SLC6A11: variants seen among roughly 807,000 people sequenced by gnomAD.
SLC6A11 encodes sodium- and chloride-dependent GABA transporter 3.
Under a neutral mutation model 74.8 loss-of-function variants are expected in SLC6A11, and 25 were observed. The observed-to-expected ratio is 0.33, with a 90% confidence interval of 0.24 to 0.47. The LOEUF (loss-of-function observed/expected upper bound fraction) is 0.47, where lower values mean the gene tolerates loss of function less well. Among genes scored for constraint, SLC6A11 ranks in the 20% least tolerant of loss-of-function variants. The probability of loss-of-function intolerance (pLI) is 1.00; values close to 1 mark genes in which losing one functional copy is unlikely to be tolerated. For missense variants in SLC6A11, 574 were observed against 837.0 expected (o/e 0.69, Z 3.88); for synonymous variants, 330 against 330.2 (o/e 1.00, Z 0.01).
intron 5 of SLC6A11, among the ~76,000 whole-genome samples, chr3:10,862,969 GGA>G (rs1219659638): frequency 6.6e-6 from 1 of 152,246 alleles, no homozygotes; most frequent in Non-Finnish European, 1.5e-5. Context: ...ACTCTCAGAT[GGA>G]GAGACTGAAA....
chr3:10,911,370 A>G (rs925355261), intron 6 of SLC6A11, among the ~76,000 whole-genome samples: 8 of 152,180 alleles, frequency 5.3e-5, no homozygotes, highest in African/African-American at 1.9e-4. Context: ...AGCCACTGTC[A>G]TTTCTGTTGT....
intron 6 of SLC6A11, among the ~76,000 whole-genome samples, chr3:10,892,054 T>C (rs965352482): frequency 6.6e-6 from 1 of 152,222 alleles, no homozygotes; most frequent in East Asian, 1.9e-4. Flanking sequence ...GCAGATGCAG[T>C]GTGTTCTGAT....
chr3:10,850,708 G>T (rs890516825), intron 5 of SLC6A11, among the ~76,000 whole-genome samples: 1 of 152,170 alleles, frequency 6.6e-6, no homozygotes, highest in African/African-American at 2.4e-5. Context: ...GAAGGGAAGC[G>T]GCGGGGGTCA....
At chr3:10,875,229 A>G in intron 6 of SLC6A11, 134 bp downstream of exon 6, 2 of 684,308 alleles carry the variant, frequency 2.9e-6, no homozygotes, top group Non-Finnish European at 4.3e-6. Context: ...TCCCAGAATA[A>G]TTTTAAATGC....
intron 6 of SLC6A11, among the ~76,000 whole-genome samples, chr3:10,889,786 C>G (rs1236910036): frequency 6.6e-6 from 1 of 152,136 alleles, no homozygotes; most frequent in Non-Finnish European, 1.5e-5. Flanking sequence ...GTCAGACAAA[C>G]CAGTGAGGGC....
chr3:10,935,828 T>C (rs951748857), intron 13 of SLC6A11, among the ~76,000 whole-genome samples: 1 of 152,214 alleles, frequency 6.6e-6, no homozygotes, highest in African/African-American at 2.4e-5. Flanking sequence ...ATGTTCCACA[T>C]TGTGCAGTCA....
intron 4 of SLC6A11, among the ~76,000 whole-genome samples, chr3:10,830,524 CA>C (rs1490924180): frequency 6.6e-6 from 1 of 152,112 alleles, no homozygotes; most frequent in African/African-American, 2.4e-5. Flanking sequence ...ACCAAATAAG[CA>C]GAAAATATTG....
intron 5 of SLC6A11, among the ~76,000 whole-genome samples, chr3:10,858,678 C>T (rs536788671): frequency 1.3e-5 from 2 of 152,340 alleles, no homozygotes; most frequent in African/African-American, 4.8e-5. Flanking sequence ...GTAACCTGCT[C>T]AAGGTCACAG....
At chr3:10,934,035 T>C (rs1478472105) in intron 11 of SLC6A11, 31 bp from the exon 12 acceptor site, 14 of 1,476,090 alleles carry the variant, frequency 9.5e-6, no homozygotes, top group Non-Finnish European at 7.6e-6. Context: ...CTCTGGGGTG[T>C]GTATGTTCCC....
chr3:10,886,450 G>T (rs920044795), intron 6 of SLC6A11, among the ~76,000 whole-genome samples: 1 of 152,164 alleles, frequency 6.6e-6, no homozygotes, highest in Admixed American at 6.5e-5. Context: ...CCTGTGGCTG[G>T]CTCCCTGTCA....
intron 6 of SLC6A11, among the ~76,000 whole-genome samples, chr3:10,891,195 A>T (rs757280885): frequency 5.3e-5 from 8 of 152,282 alleles, no homozygotes; most frequent in Middle Eastern, 3.4e-3. Flanking sequence ...TTCAGTTTTG[A>T]CTTCTCATTT....
intron 4 of SLC6A11, among the ~76,000 whole-genome samples, chr3:10,834,072 T>C (rs1367833997): frequency 1.3e-5 from 2 of 152,326 alleles, no homozygotes; most frequent in African/African-American, 2.4e-5. Flanking sequence ...ACCCAGGGGA[T>C]AGATGATGTG....
At chr3:10,862,024 T>A (rs1200930157) in intron 5 of SLC6A11, among the ~76,000 whole-genome samples, 1 of 151,934 alleles carries the variant, frequency 6.6e-6, no homozygotes, top group Non-Finnish European at 1.5e-5. Flanking sequence ...GGCCCCTGAG[T>A]ATGGGATCCC....
intron 4 of SLC6A11, among the ~76,000 whole-genome samples, chr3:10,831,318 CA>C (rs1193332218): frequency 1.6e-4 from 25 of 152,206 alleles, no homozygotes; most frequent in Non-Finnish European, 3.4e-4. Flanking sequence ...ACTAGTTACA[CA>C]GAACCTGAAC....
chr3:10,922,841 A>G (rs1191259438), intron 8 of SLC6A11, among the ~76,000 whole-genome samples: 2 of 152,200 alleles, frequency 1.3e-5, no homozygotes, highest in African/African-American at 4.8e-5. Flanking sequence ...TTTGAGAAAC[A>G]GCATCTTGAC....
intron 6 of SLC6A11, among the ~76,000 whole-genome samples, chr3:10,906,830 G>A (rs1575697592): frequency 6.6e-6 from 1 of 152,166 alleles, no homozygotes; most frequent in Non-Finnish European, 1.5e-5. Context: ...CTATCTGTAT[G>A]GCCATAGTTT....
intron 10 of SLC6A11, among the ~76,000 whole-genome samples, chr3:10,931,566 A>G (rs1695687368): frequency 1.3e-5 from 2 of 152,196 alleles, no homozygotes. Context: ...TTTCACCCTC[A>G]CTGTGTTTTT....
intron 5 of SLC6A11, among the ~76,000 whole-genome samples, chr3:10,855,046 T>C (rs1694621945): frequency 6.6e-6 from 1 of 151,616 alleles, no homozygotes; most frequent in Admixed American, 6.6e-5. Context: ...GGTAGGTAGA[T>C]AGGTAGGGAA....
chr3:10,824,349 C>G lies in SLC6A11; in HGVS notation c.623+957C>G, dbSNP rs1694177291. ...GTCCTGGCTTCATTGAAGAAGCCTC[C>G]CTTACTCTGATGGTGATTAATAGTA... On this transcript the variant is annotated intron_variant, in intron 4 of 13. Transcript: ENST00000254488. The G allele has an allele frequency of 2.6e-5, 4 of 152,136 alleles. No homozygotes were observed. In the South Asian group the frequency reaches 8.3e-4, roughly 32 times the overall value. The allele number at this position is 152,136 out of a possible 1,614,324, so 9.4% of individuals were successfully genotyped here.
Sources: allele counts gnomAD v4.1 joint callset (sites outside exome capture counted in the v4.1 genomes callset), GRCh38; gene constraint gnomAD v4.1.1; transcripts MANE v1.5; gene names NCBI Gene and HGNC (gene_info 2026-07-23, HGNC 2026-07-21).